Variants in DTNBP1 observed in about 807,000 individuals in gnomAD.
The protein encoded by DTNBP1 is dysbindin.
In DTNBP1, 35 loss-of-function variants were observed where a neutral mutation model predicts 42.8. The observed-to-expected ratio is 0.82, with a 90% CI of 0.63 to 1.09. The LOEUF is 1.09. Ranked by LOEUF, DTNBP1 falls within the 50% of genes least tolerant of loss-of-function variation. DTNBP1 has a pLI of 0.00. For synonymous variants in DTNBP1, 171 were observed against 162.2 expected (o/e 1.05, Z -0.41); for missense variants, 457 against 424.2 (o/e 1.08, Z -0.68).
chr6:15,523,108 C>G lies in DTNBP1; in HGVS notation c.923G>C (p.Arg308Pro). The G allele has an allele frequency of 6.2e-7, 1 of 1,614,224 alleles. No homozygotes were observed. Among genetic ancestry groups the G allele is most frequent in the South Asian group, 1.1e-5 (1 of 91,086 alleles). ...SSSTCTDSATRDISEGGESPV... is the reference protein window; with the variant it reads ...SSSTCTDSATPDISEGGESPV... ...GGACTCCCCACCCTCACTGATGTCC[C>G]GGGTGGCCGAGTCGGTGCAGGTGGA... Residue 308 changes from arginine (R) to proline (P), a missense_variant, in exon 10 of 10, where the codon CGG (arginine) becomes CCG (proline). Arg to Pro is a moderately radical substitution (Grantham distance 103). Transcript: ENST00000344537.
At chr6:15,547,541 A>C (rs1773952964) in intron 7 of DTNBP1, among the ~76,000 whole-genome samples, 1 of 152,226 alleles carries the variant, frequency 6.6e-6, no homozygotes, top group Admixed American at 6.5e-5. Flanking sequence ...GAAATGACGG[A>C]AATGTTATCT....
chr6:15,553,968 A>G (rs1035243920), intron 7 of DTNBP1, among the ~76,000 whole-genome samples: 2 of 152,102 alleles, frequency 1.3e-5, no homozygotes, highest in African/African-American at 2.4e-5. Context: ...CATGTGAGAG[A>G]CGCCAACCCT....
intron 7 of DTNBP1, among the ~76,000 whole-genome samples, chr6:15,579,321 T>A (rs977952827): frequency 6.6e-6 from 1 of 152,144 alleles, no homozygotes; most frequent in African/African-American, 2.4e-5. Flanking sequence ...TTCTCACTCA[T>A]ATATGGAAGC....
chr6:15,594,291 C>T (rs1009198939), intron 6 of DTNBP1, among the ~76,000 whole-genome samples: 1 of 151,832 alleles, frequency 6.6e-6, no homozygotes, highest in Non-Finnish European at 1.5e-5. Flanking sequence ...GGTGAAACCC[C>T]GTCTCTACTA....
intron 1 of DTNBP1, 62 bp from the exon 2 acceptor site, chr6:15,652,202 G>A: frequency 7.3e-7 from 1 of 1,370,868 alleles, no homozygotes; most frequent in Non-Finnish European, 1.0e-6. Flanking sequence ...ATTTTTTTGA[G>A]ACAGGGTCTC....
Position 15,533,344 on chromosome 6 carries a change from T to TGGGTGTGCTCCATTTCCA in DTNBP1, c.545_562dup (p.Leu182_Thr187dup). On this transcript the variant is annotated inframe_insertion, in exon 8 of 10. Coordinates refer to ENST00000344537, the MANE Select transcript of DTNBP1 (RefSeq NM_032122.5). ...CTGCCGCTCCTTCAGCTTCATTTGCTGGGTGTGCTCCATTTCCAGGACCTT... is the reference window on the plus strand; with the variant it reads ...CTGCCGCTCCTTCAGCTTCATTTGCTGGGTGTGCTCCATTTCCAGGGTGTGCTCCATTTCCAGGACCTT... 1 of 1,614,246 alleles carries TGGGTGTGCTCCATTTCCA rather than the reference T, an allele frequency of 6.2e-7. No homozygotes were observed. Among genetic ancestry groups the TGGGTGTGCTCCATTTCCA allele is most frequent in the Non-Finnish European group, 8.5e-7 (1 of 1,180,052 alleles).
At chr6:15,525,958 T>G (rs1219945981) in intron 8 of DTNBP1, among the ~76,000 whole-genome samples, 1 of 152,016 alleles carries the variant, frequency 6.6e-6, no homozygotes, top group Admixed American at 6.6e-5. Flanking sequence ...GCTTTGAAGT[T>G]GAAGAACATC....
At chr6:15,631,407 A>C (rs1447526994) in intron 4 of DTNBP1, among the ~76,000 whole-genome samples, 1 of 152,180 alleles carries the variant, frequency 6.6e-6, no homozygotes, top group Non-Finnish European at 1.5e-5. Flanking sequence ...ATATATTGTT[A>C]ATGCTTCTAA....
intron 6 of DTNBP1, among the ~76,000 whole-genome samples, chr6:15,603,428 CTACTT>C (rs1776806246): frequency 6.6e-6 from 1 of 152,164 alleles, no homozygotes; most frequent in Non-Finnish European, 1.5e-5. Flanking sequence ...TTCCATGTCT[CTACTT>C]CACTTTTTGA....
chr6:15,526,220 TGAAG>T (rs575900184), intron 8 of DTNBP1, among the ~76,000 whole-genome samples: 176 of 152,124 alleles, frequency 1.2e-3, no homozygotes, highest in Middle Eastern at 3.4e-3. Context: ...AGAGGCATAG[TGAAG>T]GAAGGGCTGA....
At chr6:15,554,324 C>G (rs953077541) in intron 7 of DTNBP1, among the ~76,000 whole-genome samples, 6 of 152,076 alleles carry the variant, frequency 3.9e-5, no homozygotes, top group Non-Finnish European at 7.4e-5. Context: ...CTCAAGTGAT[C>G]CTCCAGCCCC....
At chr6:15,649,902 TAA>T (rs1760886972) in intron 3 of DTNBP1, among the ~76,000 whole-genome samples, 1 of 152,196 alleles carries the variant, frequency 6.6e-6, no homozygotes, top group Admixed American at 6.5e-5. Flanking sequence ...TTATTTCAAC[TAA>T]GTTTCTAGAG....
intron 5 of DTNBP1, 113 bp from the exon 6 acceptor site, chr6:15,615,512 T>C (rs767144603): frequency 1.5e-5 from 21 of 1,397,742 alleles, no homozygotes; most frequent in Non-Finnish European, 2.1e-5. Flanking sequence ...TTTGCATTTT[T>C]AATGTTTTTT....
chr6:15,584,639 T>C (rs571292839), intron 7 of DTNBP1, among the ~76,000 whole-genome samples: 1 of 151,362 alleles, frequency 6.6e-6, no homozygotes, highest in Non-Finnish European at 1.5e-5. Flanking sequence ...AAGTTTGATA[T>C]ACCTTATTCA....
intron 1 of DTNBP1, among the ~76,000 whole-genome samples, chr6:15,659,481 A>G (rs1281176983): frequency 6.6e-6 from 1 of 152,028 alleles, no homozygotes; most frequent in Non-Finnish European, 1.5e-5. Flanking sequence ...CGCCAGGTCC[A>G]ATGTGATAGC....
chr6:15,647,669 G>C (rs1428060901), intron 3 of DTNBP1, among the ~76,000 whole-genome samples: 4 of 151,702 alleles, frequency 2.6e-5, no homozygotes, highest in Non-Finnish European at 5.9e-5. Flanking sequence ...AACAATGTAT[G>C]CTAACAAACT....
At chr6:15,603,871 A>G (rs530122574) in intron 6 of DTNBP1, among the ~76,000 whole-genome samples, 37 of 152,196 alleles carry the variant, frequency 2.4e-4, no homozygotes, top group Admixed American at 2.0e-3. Flanking sequence ...ACCCTCTTGG[A>G]TATTTTTTTC....
intron 7 of DTNBP1, among the ~76,000 whole-genome samples, chr6:15,552,581 G>A (rs150997830): frequency 9.9e-5 from 15 of 152,094 alleles, no homozygotes; most frequent in African/African-American, 3.6e-4. Flanking sequence ...TGAGGCCAGG[G>A]GTTCAAGACC....
chr6:15,536,175 G>A (rs889684364), intron 7 of DTNBP1, among the ~76,000 whole-genome samples: 2 of 152,160 alleles, frequency 1.3e-5, no homozygotes. Flanking sequence ...CTGACAATGC[G>A]ACAGAAAAGA....
Sources: allele counts gnomAD v4.1 joint callset (sites outside exome capture counted in the v4.1 genomes callset), GRCh38; gene constraint gnomAD v4.1.1; transcripts MANE v1.5; gene names NCBI Gene and HGNC (gene_info 2026-07-23, HGNC 2026-07-21).